PPP2R2C: variants seen among roughly 807,000 people sequenced by gnomAD.
PPP2R2C encodes protein phosphatase 2 regulatory subunit Bgamma, also known as protein phosphatase 2, regulatory subunit B, gamma.
PPP2R2C carries 10 observed loss-of-function variants against 45.3 expected under a neutral mutation model. That is an observed-to-expected ratio of 0.22 (90% CI 0.14 to 0.37). The LOEUF (loss-of-function observed/expected upper bound fraction) is 0.37. PPP2R2C is among the 10% of genes least tolerant of loss of function. The pLI, the probability that PPP2R2C is intolerant of heterozygous loss-of-function variation, is 1.00. For synonymous variants in PPP2R2C, 257 were observed against 245.4 expected (o/e 1.05, Z -0.44); for missense variants, 308 against 619.7 (o/e 0.50, Z 5.34).
chr4:6,480,286 T>C (rs879673801), intron 2 of PPP2R2C, among the ~76,000 whole-genome samples: 4 of 152,228 alleles, frequency 2.6e-5, no homozygotes, highest in Non-Finnish European at 5.9e-5. Flanking sequence ...AGCTCTACCC[T>C]AGTTTCTTCA....
chr4:6,552,402 T>C (rs1047919327), intron 1 of PPP2R2C, among the ~76,000 whole-genome samples: 1 of 152,200 alleles, frequency 6.6e-6, no homozygotes, highest in African/African-American at 2.4e-5. Context: ...TCTTCGAGCT[T>C]CTGGAGGTGT....
intron 5 of PPP2R2C, 48 bp from the exon 6 acceptor site, chr4:6,348,058 GCTCCGC>G: frequency 1.3e-6 from 2 of 1,593,670 alleles, no homozygotes; most frequent in Admixed American, 1.7e-5. Flanking sequence ...CGCCCTCAAT[GCTCCGC>G]CTTCCCGGAG....
chr4:6,327,677 G>A lies in PPP2R2C; in HGVS notation c.1052+1585C>T, dbSNP rs77935735. On this transcript the variant is annotated intron_variant, in intron 8 of 8. Transcript: ENST00000382599. The stretch of plus-strand genomic sequence containing the variant: ...GCTGGGGGTGTCTGGGATCTATCTG[G>A]GGGCAGGGCCTAGAGAGAAGGTCCT... Among the ~76,000 whole-genome samples, 975 of 152,248 alleles carry A rather than the reference G, an allele frequency of 6.4e-3. 11 individuals are homozygous for A. The highest frequency in any genetic ancestry group is 0.022 in the African/African-American group (926 of 41,530).
At chr4:6,434,195 T>C (rs1719769369) in intron 1 of PPP2R2C, among the ~76,000 whole-genome samples, 1 of 152,148 alleles carries the variant, frequency 6.6e-6, no homozygotes, top group African/African-American at 2.4e-5. Context: ...CCCTGAGCTG[T>C]CACGTTCTTT....
At chr4:6,411,521 T>C (rs1238358418) in intron 1 of PPP2R2C, among the ~76,000 whole-genome samples, 1 of 152,018 alleles carries the variant, frequency 6.6e-6, no homozygotes, top group African/African-American at 2.4e-5. Context: ...AGTTCTCTAA[T>C]TTGTGTCTGT....
intron 2 of PPP2R2C, among the ~76,000 whole-genome samples, chr4:6,491,769 C>T (rs1435443963): frequency 6.6e-6 from 1 of 152,202 alleles, no homozygotes; most frequent in Non-Finnish European, 1.5e-5. Flanking sequence ...TTCTCTCTCT[C>T]TCTCCTGCTG....
intron 5 of PPP2R2C, among the ~76,000 whole-genome samples, chr4:6,370,069 C>G (rs545393132): frequency 6.6e-6 from 1 of 152,342 alleles, no homozygotes; most frequent in East Asian, 1.9e-4. Flanking sequence ...GCAGCAATTA[C>G]CATCCCCACC....
intron 7 of PPP2R2C, 139 bp downstream of exon 7, chr4:6,333,423 T>C: frequency 6.0e-6 from 6 of 996,654 alleles, no homozygotes; most frequent in Non-Finnish European, 8.7e-6. Flanking sequence ...GATGAGTTGC[T>C]GGATTTCTTC....
chr4:6,388,478 A>G (rs1195577217), intron 1 of PPP2R2C, among the ~76,000 whole-genome samples: 1 of 152,206 alleles, frequency 6.6e-6, no homozygotes, highest in Non-Finnish European at 1.5e-5. Context: ...GTGCGGTCAT[A>G]CTGGATTATG....
intron 5 of PPP2R2C, among the ~76,000 whole-genome samples, chr4:6,351,543 C>G (rs1712557711): frequency 6.6e-6 from 1 of 152,132 alleles, no homozygotes; most frequent in Admixed American, 6.5e-5. Flanking sequence ...GGGTCAGGAC[C>G]CATGGGGGAG....
chr4:6,328,753 A>G lies in PPP2R2C; in HGVS notation c.1052+509T>C, dbSNP rs55776065. Among the ~76,000 whole-genome samples, 7 of 152,130 alleles carry G rather than the reference A, an allele frequency of 4.6e-5. No homozygotes were observed. The highest frequency in any genetic ancestry group is 1.7e-4 in the African/African-American group (7 of 41,440). On this transcript the variant is annotated intron_variant, in intron 8 of 8. Coordinates refer to ENST00000382599, the MANE Select transcript of PPP2R2C (RefSeq NM_020416.4). The surrounding 1 kb of genome is among the most constrained non-coding windows in gnomAD (Gnocchi z 4.4). ...GATTGTGACAAGCCCTGGAGGGTGT[A>G]GGAGCTCCAAGGTGCCCCTGAGCCT... is the stretch of plus-strand genomic sequence containing the variant.
At chr4:6,343,934 A>G (rs1188346832) in intron 6 of PPP2R2C, among the ~76,000 whole-genome samples, 1 of 152,258 alleles carries the variant, frequency 6.6e-6, no homozygotes, top group Non-Finnish European at 1.5e-5. Flanking sequence ...GTGTGCAAAA[A>G]GCATACATAA....
Position 6,323,567 on chromosome 4 carries a change from T to C in PPP2R2C, c.1079A>G (p.Asn360Ser). 3 of 1,573,680 alleles carry C rather than the reference T, an allele frequency of 1.9e-6. No homozygotes were observed. Among genetic ancestry groups the C allele is most frequent in the Non-Finnish European group, 2.6e-6 (3 of 1,151,922 alleles). ...DSVIMTGAYN[N>S]FFRMFDRNTK... is the part of the protein sequence containing the mutation. ...GTTCCGATCGAACATGCGGAAGAAG[T>C]TGTTGTAGGCCCCGGTCATGATGAC... Residue 360 changes from asparagine (N) to serine (S), a missense_variant, in exon 9 of 9, where the codon AAC becomes AGC. By Grantham distance (46) the Asn-to-Ser change is conservative. Transcript: ENST00000382599.
chr4:6,545,698 A>G (rs1043389206), intron 1 of PPP2R2C, among the ~76,000 whole-genome samples: 1 of 152,062 alleles, frequency 6.6e-6, no homozygotes, highest in African/African-American at 2.4e-5. Context: ...AGAATCCCCA[A>G]TTCCCTGCCT....
chr4:6,414,436 C>G (rs1718423121), intron 1 of PPP2R2C, among the ~76,000 whole-genome samples: 1 of 152,078 alleles, frequency 6.6e-6, no homozygotes, highest in South Asian at 2.1e-4. Context: ...CGAGGGAAGT[C>G]ACGCAGAAAG....
chr4:6,376,602 C>T (rs1473631589), intron 3 of PPP2R2C, among the ~76,000 whole-genome samples: 1 of 152,040 alleles, frequency 6.6e-6, no homozygotes, highest in African/African-American at 2.4e-5. Flanking sequence ...TACAGGCTCT[C>T]ACCACCACAC....
At chr4:6,388,721 C>T (rs1398503547) in intron 1 of PPP2R2C, among the ~76,000 whole-genome samples, 1 of 152,170 alleles carries the variant, frequency 6.6e-6, no homozygotes, top group East Asian at 1.9e-4. Flanking sequence ...GATTGCCAGC[C>T]ACCACTAGAA....
At chr4:6,353,997 C>A (rs916705403) in intron 5 of PPP2R2C, among the ~76,000 whole-genome samples, 1 of 129,208 alleles carries the variant, frequency 7.7e-6, no homozygotes, top group African/African-American at 3.1e-5. Flanking sequence ...CATCCCCAGC[C>A]CTGGGGCACC....
intron 1 of PPP2R2C, among the ~76,000 whole-genome samples, chr4:6,405,158 C>T (rs993384237): frequency 3.9e-5 from 6 of 152,292 alleles, no homozygotes; most frequent in Admixed American, 3.9e-4. Context: ...ATTCTCACAG[C>T]CCCCCTGGAA....
Sources: gnomAD v4.1 joint callset for allele counts (sites outside exome capture counted in the v4.1 genomes callset) on GRCh38, gnomAD v4.1.1 for gene constraint, Gnocchi (gnomAD v3.1) non-coding constraint, MANE v1.5 for transcripts, NCBI Gene and HGNC (gene_info 2026-07-23, HGNC 2026-07-21) for gene names.